The following ADAMTS18 variants were observed in gnomAD, a reference collection of about 807,000 sequenced individuals.
ADAMTS18 encodes A disintegrin and metalloproteinase with thrombospondin motifs 18.
In ADAMTS18, 157 loss-of-function variants were observed where a neutral mutation model predicts 165.9. The observed-to-expected ratio is 0.95, with a 90% CI of 0.83 to 1.08. The LOEUF (loss-of-function observed/expected upper bound fraction) is 1.08, where lower values mean the gene tolerates loss of function less well. Among genes scored for constraint, ADAMTS18 ranks in the 50% least tolerant of loss-of-function variants. The probability of loss-of-function intolerance (pLI) is 0.00; values close to 1 mark genes in which losing one functional copy is unlikely to be tolerated. For missense variants in ADAMTS18, 2,040 were observed against 1,534.0 expected, an observed-to-expected ratio of 1.33 and a Z score of -5.51; for synonymous variants, 782 against 578.2, an observed-to-expected ratio of 1.35 and a Z score of -5.06.
intron 3 of ADAMTS18, among the ~76,000 whole-genome samples, chr16:77,372,047 G>A (rs2056883650): frequency 6.6e-6 from 1 of 151,950 alleles, no homozygotes; most frequent in African/African-American, 2.4e-5. Flanking sequence ...TAATTTTCAG[G>A]GAAATGCAAA....
At chr16:77,413,933 C>T (rs1468905262) in intron 3 of ADAMTS18, among the ~76,000 whole-genome samples, 1 of 151,862 alleles carries the variant, frequency 6.6e-6, no homozygotes, top group African/African-American at 2.4e-5. Flanking sequence ...TCAAAAGAAA[C>T]ATTTAATTTA....
chr16:77,322,450 T>A lies in ADAMTS18; in HGVS notation c.2049A>T (p.Lys683Asn), dbSNP rs1356262448. Reference protein sequence around the residue: ...YTKVEEEDRCKLYCKAENFEF... With the variant: ...YTKVEEEDRCNLYCKAENFEF... ...CAAAGTTCTCAGCCTTGCAGTACAGTTTGCATCGATCTTCCTCTAGAAACA... is the reference window on the plus strand; with the variant it reads ...CAAAGTTCTCAGCCTTGCAGTACAGATTGCATCGATCTTCCTCTAGAAACA... Residue 683 changes from lysine to asparagine, a missense_variant, in exon 14 of 23, where the codon AAA becomes AAT. Coordinates refer to ENST00000282849, the MANE Select transcript of ADAMTS18 (RefSeq NM_199355.4). The A allele has an allele frequency of 6.2e-7, 1 of 1,613,864 alleles. No homozygotes were observed. The highest frequency in any genetic ancestry group is 2.2e-5 in the East Asian group (1 of 44,860).
chr16:77,293,311 C>T (rs1044721727), intron 19 of ADAMTS18, 53 bp from the exon 20 acceptor site: 2 of 1,339,544 alleles, frequency 1.5e-6, no homozygotes, highest in Admixed American at 1.8e-5. Context: ...TCAGTAGCCA[C>T]ATTAAAAAAA....
chr16:77,343,562 T>C (rs1357184038), intron 10 of ADAMTS18, among the ~76,000 whole-genome samples: 1 of 152,212 alleles, frequency 6.6e-6, no homozygotes, highest in Non-Finnish European at 1.5e-5. Context: ...AGCAAGCTTC[T>C]GATGCTGTTG....
intron 17 of ADAMTS18, among the ~76,000 whole-genome samples, chr16:77,298,495 C>T (rs948317820): frequency 2.0e-5 from 3 of 152,068 alleles, no homozygotes; most frequent in South Asian, 2.1e-4. Context: ...GAGGCACTTA[C>T]GAAAACCACA....
intron 3 of ADAMTS18, among the ~76,000 whole-genome samples, chr16:77,397,214 G>T (rs2057269928): frequency 1.3e-5 from 2 of 152,126 alleles, no homozygotes; most frequent in South Asian, 4.1e-4. Flanking sequence ...ACATGGGAAA[G>T]AAGAAAAATC....
intron 3 of ADAMTS18, among the ~76,000 whole-genome samples, chr16:77,388,484 G>A (rs1037596898): frequency 2.0e-5 from 3 of 152,184 alleles, no homozygotes; most frequent in Non-Finnish European, 4.4e-5. Flanking sequence ...GCCACAGACT[G>A]GAACCAAATG....
At chr16:77,391,517 G>A (rs1039494753) in intron 3 of ADAMTS18, among the ~76,000 whole-genome samples, 10 of 151,642 alleles carry the variant, frequency 6.6e-5, no homozygotes, top group Admixed American at 5.9e-4. Context: ...AAGAGGCTTG[G>A]GACAAATGAG....
At chr16:77,390,043 A>G (rs1290611657) in intron 3 of ADAMTS18, among the ~76,000 whole-genome samples, 1 of 152,190 alleles carries the variant, frequency 6.6e-6, no homozygotes, top group East Asian at 1.9e-4. Context: ...AATGCTAAGG[A>G]CTTTGAGCTT....
intron 3 of ADAMTS18, among the ~76,000 whole-genome samples, chr16:77,414,766 A>G (rs17621123): frequency 0.19 from 29,521 of 152,236 alleles, 3,128 homozygotes; most frequent in Non-Finnish European, 0.24. Context: ...AATGAACTGC[A>G]TATGAAGGTT....
intron 3 of ADAMTS18, among the ~76,000 whole-genome samples, chr16:77,401,337 T>C (rs535605944): frequency 2.0e-5 from 3 of 152,312 alleles, no homozygotes; most frequent in South Asian, 2.1e-4. Flanking sequence ...TCCAAGATAA[T>C]AGCAAATATG....
rs556035596 is a variant in ADAMTS18, at chr16:77,376,307, A to C, written c.496-8584T>G. 2.0e-5 allele frequency among the ~76,000 whole-genome samples: 3 copies of C among 152,320 alleles called. No homozygotes were observed. In the South Asian group the frequency reaches 6.2e-4, roughly 32 times the overall value. On this transcript the variant is annotated intron_variant, in intron 3 of 22. Transcript: ENST00000282849. The stretch of plus-strand genomic sequence containing the variant: ...CTCATGCAAACTCACTATCATGAGA[A>C]TAGCAAGGGGGAAATCCACCCCCAA...
chr16:77,312,918 A>G (rs1597108639), intron 16 of ADAMTS18, among the ~76,000 whole-genome samples: 1 of 152,160 alleles, frequency 6.6e-6, no homozygotes, highest in Non-Finnish European at 1.5e-5. Flanking sequence ...TAGAAATACC[A>G]TTTGACCCCG....
chr16:77,425,821 T>C (rs574114594), intron 3 of ADAMTS18, among the ~76,000 whole-genome samples: 1 of 152,142 alleles, frequency 6.6e-6, no homozygotes, highest in East Asian at 1.9e-4. Context: ...GGTAGGCAGA[T>C]CACCTGAGGT....
At chr16:77,319,302 A>C (rs2055944637) in intron 16 of ADAMTS18, among the ~76,000 whole-genome samples, 1 of 152,208 alleles carries the variant, frequency 6.6e-6, no homozygotes, top group Admixed American at 6.5e-5. Flanking sequence ...AAACCCAAGC[A>C]TATTGGTGAA....
intron 20 of ADAMTS18, among the ~76,000 whole-genome samples, chr16:77,292,296 AAAT>A (rs1447136009): frequency 6.6e-6 from 1 of 152,142 alleles, no homozygotes; most frequent in Non-Finnish European, 1.5e-5. Context: ...CCTGTCTCAA[AAAT>A]AAAAAATTTA....
Position 77,305,409 on chromosome 16 carries a change from C to A in ADAMTS18, c.2533-5005G>T, listed in dbSNP as rs191765123. Among the ~76,000 whole-genome samples, 296 of 152,224 alleles carry A rather than the reference C, an allele frequency of 1.9e-3. 2 individuals carry two copies. Among genetic ancestry groups the A allele is most frequent in the South Asian group, 3.5e-3 (17 of 4,822 alleles). ...TCAAATCCACCCTCAAAAACTGCTA[C>A]ATAATTTCTAAAGCCCAGTGCAAAA... On this transcript the variant is annotated intron_variant, in intron 16 of 22. Coordinates refer to ENST00000282849, the MANE Select transcript of ADAMTS18 (RefSeq NM_199355.4).
chr16:77,419,705 G>A (rs913790100), intron 3 of ADAMTS18, among the ~76,000 whole-genome samples: 4 of 152,048 alleles, frequency 2.6e-5, no homozygotes, highest in African/African-American at 9.7e-5. Context: ...AATTTTGGGG[G>A]CTGTCTTAGA....
intron 3 of ADAMTS18, among the ~76,000 whole-genome samples, chr16:77,369,798 G>T (rs1345661863): frequency 6.6e-6 from 1 of 152,068 alleles, no homozygotes; most frequent in Non-Finnish European, 1.5e-5. Context: ...AGAAATCTAC[G>T]GGTCAGTATA....
Sources: allele counts gnomAD v4.1 joint callset (sites outside exome capture counted in the v4.1 genomes callset), GRCh38; gene constraint gnomAD v4.1.1; transcripts MANE v1.5; gene names NCBI Gene and HGNC (gene_info 2026-07-23, HGNC 2026-07-21).